The following GRIP1 variants were observed in gnomAD, a reference collection of about 807,000 sequenced individuals.
GRIP1 encodes the protein glutamate receptor interacting protein 1, also known as glutamate receptor-interacting protein 1.
Under a neutral mutation model 129.9 loss-of-function variants are expected in GRIP1, and 45 were observed. The observed-to-expected ratio is 0.35, with a 90% CI of 0.27 to 0.44. The LOEUF (loss-of-function observed/expected upper bound fraction) is 0.44. Among genes scored for constraint, GRIP1 ranks in the 20% least tolerant of loss-of-function variants. The pLI is 1.00. For missense variants in GRIP1, 1,196 were observed against 1,396.8 expected, an observed-to-expected ratio of 0.86 and a Z score of 2.29; for synonymous variants, 530 against 520.8, an observed-to-expected ratio of 1.02 and a Z score of -0.24.
chr12:66,587,748 G>A (rs563948481), intron 2 of GRIP1, among the ~76,000 whole-genome samples: 168 of 152,302 alleles, frequency 1.1e-3, no homozygotes, highest in Non-Finnish European at 2.0e-3. Flanking sequence ...AGAATGCAGC[G>A]AGTGTGCACG....
At chr12:66,455,367 G>T (rs1565756254) in intron 11 of GRIP1, 42 bp downstream of exon 11, 4 of 1,601,956 alleles carry the variant, frequency 2.5e-6, no homozygotes, top group East Asian at 2.2e-5. Flanking sequence ...TTGCCCACAG[G>T]TTTTTTCCAG....
intron 1 of GRIP1, chr12:67,068,949 C>G (rs891351463): frequency 1.1e-4 from 48 of 421,586 alleles, no homozygotes; most frequent in Non-Finnish European, 1.3e-4. Context: ...CCTCCCCCGT[C>G]GGCGGGTGGA....
intron 1 of GRIP1, among the ~76,000 whole-genome samples, chr12:66,729,180 G>A (rs572063079): frequency 6.6e-6 from 1 of 151,988 alleles, no homozygotes; most frequent in East Asian, 1.9e-4. Context: ...GCACCACTGA[G>A]CCTAACTAAA....
Position 66,517,669 on chromosome 12 carries a change from G to A in GRIP1, c.578+232C>T, listed in dbSNP as rs759155232. 1.3e-3 allele frequency among the ~76,000 whole-genome samples: 205 copies of A among 152,000 alleles called. 6 individuals are homozygous for A. The highest frequency in any genetic ancestry group is 6.2e-4 in the Non-Finnish European group (42 of 68,000). On this transcript the variant is annotated intron_variant, in intron 6 of 24. Transcript: ENST00000359742. ...TATTACCTACATTTCCAATGGTGGT[G>A]GAAATTGACCTCAGTATTAAGTCAC...
intron 7 of GRIP1, among the ~76,000 whole-genome samples, chr12:66,491,248 T>C (rs1565795190): frequency 6.6e-6 from 1 of 152,114 alleles, no homozygotes; most frequent in Non-Finnish European, 1.5e-5. Flanking sequence ...ATAAAGAAAA[T>C]GTGGTACACA....
chr12:66,944,364 A>AGT (rs1334529438), intron 1 of GRIP1, among the ~76,000 whole-genome samples: 2 of 152,198 alleles, frequency 1.3e-5, no homozygotes, highest in African/African-American at 4.8e-5. Flanking sequence ...CTATCTTTTC[A>AGT]GTGTAAAAGG....
chr12:66,514,318 T>C (rs930212413), intron 7 of GRIP1, among the ~76,000 whole-genome samples: 1 of 152,148 alleles, frequency 6.6e-6, no homozygotes, highest in Non-Finnish European at 1.5e-5. Flanking sequence ...TCCACTTGTC[T>C]CATCATTTAA....
At chr12:66,406,611 T>G (rs962175834) in intron 15 of GRIP1, among the ~76,000 whole-genome samples, 183 bp from the exon 16 acceptor site, 7 of 152,232 alleles carry the variant, frequency 4.6e-5, no homozygotes, top group Admixed American at 4.6e-4. Context: ...TTGCCTGCCA[T>G]GATATTAAAT....
At chr12:66,356,382 T>C (rs1287838532) in intron 23 of GRIP1, among the ~76,000 whole-genome samples, 2 of 152,214 alleles carry the variant, frequency 1.3e-5, no homozygotes, top group African/African-American at 4.8e-5. Flanking sequence ...GATCTTGCCA[T>C]AGCACACTCT....
At chr12:66,544,497 G>A (rs192403265) in intron 2 of GRIP1, among the ~76,000 whole-genome samples, 112 of 152,266 alleles carry the variant, frequency 7.4e-4, no homozygotes, top group African/African-American at 2.6e-3. Flanking sequence ...TAGAGCGAAG[G>A]CCTGAGATTC....
intron 1 of GRIP1, among the ~76,000 whole-genome samples, chr12:67,017,332 C>G (rs2042802623): frequency 6.6e-6 from 1 of 151,354 alleles, no homozygotes; most frequent in African/African-American, 2.4e-5. Context: ...TTAAAGCATC[C>G]CCTTTTAAAT....
intron 1 of GRIP1, among the ~76,000 whole-genome samples, chr12:66,910,205 C>T (rs1047125773): frequency 2.0e-5 from 3 of 152,186 alleles, no homozygotes. Context: ...TTCCTTCTGT[C>T]TTTCTGGCCA....
At chr12:66,565,073 T>A (rs1156440720) in intron 2 of GRIP1, among the ~76,000 whole-genome samples, 1 of 152,254 alleles carries the variant, frequency 6.6e-6, no homozygotes, top group Non-Finnish European at 1.5e-5. Context: ...TTCTGTAGGT[T>A]GCTGGTTCAC....
intron 2 of GRIP1, among the ~76,000 whole-genome samples, chr12:66,579,912 C>G (rs2063304513): frequency 6.7e-6 from 1 of 148,968 alleles, no homozygotes; most frequent in South Asian, 2.2e-4. Flanking sequence ...GAGAACACCA[C>G]AAAGATACTC....
intron 1 of GRIP1, among the ~76,000 whole-genome samples, chr12:66,907,097 C>T (rs181612952): frequency 2.4e-4 from 36 of 152,290 alleles, no homozygotes; most frequent in African/African-American, 7.5e-4. Context: ...TCTTTAATCG[C>T]CTCCATTCTG....
intron 13 of GRIP1, among the ~76,000 whole-genome samples, chr12:66,433,668 A>G (rs1036875793): frequency 1.3e-5 from 2 of 152,234 alleles, no homozygotes; most frequent in African/African-American, 2.4e-5. Context: ...TTAATTAATG[A>G]TAAGGTTAAA....
chr12:66,768,446 A>G (rs911129158), intron 1 of GRIP1, among the ~76,000 whole-genome samples: 1 of 152,170 alleles, frequency 6.6e-6, no homozygotes, highest in Non-Finnish European at 1.5e-5. Flanking sequence ...CTTCCGTGGC[A>G]ATAAAGACTA....
chr12:66,679,145 C>T, upstream of GRIP1: 1 of 1,425,704 alleles, frequency 7.0e-7, no homozygotes, highest in Non-Finnish European at 9.2e-7. Flanking sequence ...TTCACAATCA[C>T]AATGGCTTAG....
intron 1 of GRIP1, among the ~76,000 whole-genome samples, chr12:66,707,629 G>T (rs1402062696): frequency 1.3e-5 from 2 of 151,080 alleles, no homozygotes; most frequent in East Asian, 3.9e-4. Flanking sequence ...AAGATTTTTT[G>T]CAAGTGGGGG....
Sources: allele counts gnomAD v4.1 joint callset (sites outside exome capture counted in the v4.1 genomes callset), GRCh38; gene constraint gnomAD v4.1.1; transcripts MANE v1.5; gene names NCBI Gene and HGNC (gene_info 2026-07-23, HGNC 2026-07-21).